The following TNIK variants were observed in gnomAD, a reference collection of about 807,000 sequenced individuals.
TNIK encodes TRAF2 and NCK-interacting protein kinase.
A neutral mutation model predicts 191.3 loss-of-function variants in TNIK; 49 were observed. The ratio of observed to expected loss-of-function variants is 0.26; its 90% CI spans 0.20 to 0.32. TNIK has a LOEUF of 0.32. TNIK is among the 10% of genes least tolerant of loss of function. TNIK has a pLI of 1.00. For synonymous variants in TNIK, 594 were observed against 600.9 expected (o/e 0.99, Z 0.17); for missense variants, 1,155 against 1,702.3 (o/e 0.68, Z 5.66).
At chr3:171,085,291 C>T (rs1395199454) in intron 24 of TNIK, 62 bp from the exon 25 acceptor site, 7 of 1,446,368 alleles carry the variant, frequency 4.8e-6, no homozygotes, top group Non-Finnish European at 6.6e-6. Context: ...ACAATGCTAA[C>T]AATACTGTGC....
chr3:171,178,147 TG>T (rs1189792377), intron 7 of TNIK, among the ~76,000 whole-genome samples: 25 of 152,362 alleles, frequency 1.6e-4, no homozygotes, highest in Admixed American at 1.4e-3. Context: ...CTGCAAACAT[TG>T]GTGTACAAAT....
intron 1 of TNIK, among the ~76,000 whole-genome samples, chr3:171,452,617 C>T (rs574890859): frequency 6.6e-6 from 1 of 152,162 alleles, no homozygotes; most frequent in East Asian, 1.9e-4. Flanking sequence ...TCAACGTTGT[C>T]TTCCAGTGGG....
At chr3:171,308,048 C>A (rs1349945435) in intron 2 of TNIK, among the ~76,000 whole-genome samples, 1 of 152,064 alleles carries the variant, frequency 6.6e-6, no homozygotes, top group Non-Finnish European at 1.5e-5. Flanking sequence ...CTACCAATGA[C>A]ATTATTCACA....
At chr3:171,242,724 A>G (rs1374699529) in intron 2 of TNIK, among the ~76,000 whole-genome samples, 3 of 152,234 alleles carry the variant, frequency 2.0e-5, no homozygotes. Context: ...TAGATTTAAT[A>G]AACCACTGAT....
At chr3:171,322,494 C>T (rs1384224033) in intron 2 of TNIK, among the ~76,000 whole-genome samples, 1 of 152,104 alleles carries the variant, frequency 6.6e-6, no homozygotes, top group Non-Finnish European at 1.5e-5. Flanking sequence ...ATATAAAGTA[C>T]ATCATTTTTG....
intron 2 of TNIK, among the ~76,000 whole-genome samples, chr3:171,311,332 G>C (rs1753992970): frequency 6.6e-6 from 1 of 152,154 alleles, no homozygotes; most frequent in African/African-American, 2.4e-5. Context: ...GCTGATGACA[G>C]CACACTTTCC....
intron 2 of TNIK, among the ~76,000 whole-genome samples, chr3:171,248,122 G>A (rs1745816757): frequency 6.6e-6 from 1 of 152,130 alleles, no homozygotes; most frequent in African/African-American, 2.4e-5. Flanking sequence ...AAGAAGATGA[G>A]TTTGAGAAGA....
chr3:171,171,455 C>G (rs1486834803), intron 9 of TNIK, among the ~76,000 whole-genome samples: 1 of 152,194 alleles, frequency 6.6e-6, no homozygotes, highest in Non-Finnish European at 1.5e-5. Context: ...AGAACTCGTG[C>G]AAATACACCA....
intron 6 of TNIK, among the ~76,000 whole-genome samples, chr3:171,189,384 A>G (rs1218818160): frequency 2.0e-5 from 3 of 152,192 alleles, no homozygotes; most frequent in South Asian, 2.1e-4. Flanking sequence ...TTTAAACTGC[A>G]TGAGAAATGG....
chr3:171,385,152 A>G (rs1024972310), intron 1 of TNIK, among the ~76,000 whole-genome samples: 2 of 152,188 alleles, frequency 1.3e-5, no homozygotes, highest in Admixed American at 1.3e-4. Flanking sequence ...TTTTAGTGGA[A>G]AGAATGAAGA....
At chr3:171,258,945 G>A (rs1295958500) in intron 2 of TNIK, among the ~76,000 whole-genome samples, 7 of 152,134 alleles carry the variant, frequency 4.6e-5, no homozygotes, top group African/African-American at 9.6e-5. Flanking sequence ...ACATGTGCGC[G>A]CACACACACG....
chr3:171,368,450 C>T (rs189853779), intron 2 of TNIK, among the ~76,000 whole-genome samples: 7 of 152,278 alleles, frequency 4.6e-5, no homozygotes, highest in Admixed American at 3.9e-4. Flanking sequence ...TGCTGAGACA[C>T]ATTTCTTTCT....
Position 171,063,933 on chromosome 3 carries a change from C to A in TNIK, c.4031G>T (p.Ser1344Ile). Residue 1344 changes from serine (S) to isoleucine (I), a missense_variant, in exon 33 of 33, where the codon AGT becomes ATT. Physicochemically the swap from Ser to Ile is moderately radical, Grantham distance 142. Coordinates refer to ENST00000436636, the MANE Select transcript of TNIK (RefSeq NM_015028.4). ...GAGGGTCATGAAAAACACTTGGCTA[C>A]TTCCTCCAGATCGCACGGATGCAAA... is the stretch of plus-strand genomic sequence containing the variant. ...VFFASVRSGG[S>I]SQVFFMTLNR... 1 of 1,613,870 alleles carries A rather than the reference C, an allele frequency of 6.2e-7. No individual in the cohort carries two copies. Among genetic ancestry groups the A allele is most frequent in the South Asian group, 1.1e-5 (1 of 91,064 alleles).
At chr3:171,073,508 A>C (rs1245020069) in intron 28 of TNIK, among the ~76,000 whole-genome samples, 1 of 152,150 alleles carries the variant, frequency 6.6e-6, no homozygotes, top group East Asian at 1.9e-4. Flanking sequence ...CAACAAAAAC[A>C]AAAAAAGACA....
At chr3:171,355,777 G>T (rs1273928940) in intron 2 of TNIK, among the ~76,000 whole-genome samples, 1 of 152,146 alleles carries the variant, frequency 6.6e-6, no homozygotes, top group African/African-American at 2.4e-5. Context: ...CTAACTTGCA[G>T]TCATGCAAAT....
At chr3:171,310,255 TC>T (rs1282391574) in intron 2 of TNIK, among the ~76,000 whole-genome samples, 1 of 152,128 alleles carries the variant, frequency 6.6e-6, no homozygotes, top group African/African-American at 2.4e-5. Context: ...ATCTTCTCCC[TC>T]CACAAACAGT....
At chr3:171,298,538 G>A (rs1437969677) in intron 2 of TNIK, among the ~76,000 whole-genome samples, 1 of 152,136 alleles carries the variant, frequency 6.6e-6, no homozygotes, top group Non-Finnish European at 1.5e-5. Context: ...GTCCCTTTTA[G>A]GCCAAAGTGT....
intron 2 of TNIK, among the ~76,000 whole-genome samples, chr3:171,350,585 GCT>G (rs1712987068): frequency 9.9e-6 from 1 of 100,962 alleles, no homozygotes; most frequent in Non-Finnish European, 1.8e-5. Context: ...CAAGTTTAAA[GCT>G]CTGTTGCTAA....
chr3:171,295,000 C>CA (rs1400237809), intron 2 of TNIK, among the ~76,000 whole-genome samples: 37 of 124,048 alleles, frequency 3.0e-4, no homozygotes, highest in African/African-American at 1.0e-3. Flanking sequence ...TAGGTCTGGC[C>CA]AGGGAAGAGA....
Sources: allele counts gnomAD v4.1 joint callset (sites outside exome capture counted in the v4.1 genomes callset), GRCh38; gene constraint gnomAD v4.1.1; transcripts MANE v1.5; gene names NCBI Gene and HGNC (gene_info 2026-07-23, HGNC 2026-07-21).